Variants in IL1RAPL2 observed in about 807,000 individuals in gnomAD.
The protein encoded by IL1RAPL2 is interleukin 1 receptor accessory protein like 2, also known as X-linked interleukin-1 receptor accessory protein-like 2.
IL1RAPL2 carries 3 observed loss-of-function variants against 44.1 expected under a neutral mutation model. The observed-to-expected ratio is 0.07, with a 90% CI of 0.03 to 0.18. The LOEUF is 0.18. Ranked by LOEUF, IL1RAPL2 falls within the 10% of genes least tolerant of loss-of-function variation. The pLI is 1.00. For synonymous variants in IL1RAPL2, 181 were observed against 178.8 expected (o/e 1.01, Z -0.10); for missense variants, 391 against 496.4 (o/e 0.79, Z 2.02).
At chrX:104,568,651 C>T (rs970035513) in intron 1 of IL1RAPL2, among the ~76,000 whole-genome samples, 2 of 111,854 alleles carry the variant, frequency 1.8e-5, no homozygotes, top group East Asian at 5.7e-4. Context: ...GATACTTAGG[C>T]TTCCACCCCT....
chrX:104,915,300 A>G (rs1371241180), intron 2 of IL1RAPL2, among the ~76,000 whole-genome samples: 2 of 110,112 alleles, frequency 1.8e-5, no homozygotes, highest in Non-Finnish European at 3.8e-5. Context: ...TTTGATTTGC[A>G]TTTCTCTGAT....
intron 5 of IL1RAPL2, among the ~76,000 whole-genome samples, chrX:105,360,960 C>T (rs1033713430): frequency 9.0e-6 from 1 of 111,340 alleles, no homozygotes; most frequent in Non-Finnish European, 1.9e-5. Flanking sequence ...TAATGATTAT[C>T]TATAGCAGTT....
At chrX:104,837,947 G>C (rs1183275311) in intron 2 of IL1RAPL2, among the ~76,000 whole-genome samples, 1 of 111,774 alleles carries the variant, frequency 8.9e-6, no homozygotes, top group Non-Finnish European at 1.9e-5. Flanking sequence ...TCTACATATG[G>C]CTAACCAGTT....
At chrX:104,956,621 AGT>A (rs1265168010) in intron 2 of IL1RAPL2, among the ~76,000 whole-genome samples, 15 of 110,724 alleles carry the variant, frequency 1.4e-4, no homozygotes, top group Non-Finnish European at 2.6e-4. Flanking sequence ...TGGGCGACAG[AGT>A]GAGACTCCAT....
intron 10 of IL1RAPL2, among the ~76,000 whole-genome samples, chrX:105,761,220 TACACACACACACACAC>T (rs113089380): frequency 4.3e-4 from 36 of 84,123 alleles, no homozygotes; most frequent in African/African-American, 9.6e-4. Flanking sequence ...ACTCTTCCTA[TACACACACACACACAC>T]ACACACACAC....
intron 2 of IL1RAPL2, among the ~76,000 whole-genome samples, chrX:104,931,124 C>A (rs773166820): frequency 9.1e-6 from 1 of 110,161 alleles, no homozygotes; most frequent in South Asian, 3.9e-4. Context: ...ATACTTATTC[C>A]TGGGATTAAA....
chrX:105,613,151 C>T (rs770730384), intron 6 of IL1RAPL2, among the ~76,000 whole-genome samples: 16 of 111,686 alleles, frequency 1.4e-4, no homozygotes, highest in South Asian at 3.8e-4. Context: ...TCTTGGATAC[C>T]GGCTCAGCCA....
intron 2 of IL1RAPL2, among the ~76,000 whole-genome samples, chrX:104,950,936 A>G (rs930856755): frequency 1.8e-5 from 2 of 110,666 alleles, no homozygotes; most frequent in Non-Finnish European, 3.8e-5. Flanking sequence ...GAGTGACCTG[A>G]TTTTCCAGGT....
chrX:105,729,876 A>AGAAGGAAGGAAGGAAGGAAGGAAG (rs768197336), intron 7 of IL1RAPL2, among the ~76,000 whole-genome samples: 37 of 51,272 alleles, frequency 7.2e-4, no homozygotes, highest in Admixed American at 1.0e-3. Flanking sequence ...AAGGAAGGAA[A>AGAAGGAAGGAAGGAAGGAAGGAAG]GAAGGAAGGA....
chrX:105,644,026 G>C (rs990921128), intron 6 of IL1RAPL2, among the ~76,000 whole-genome samples: 12 of 111,025 alleles, frequency 1.1e-4, no homozygotes, highest in Non-Finnish European at 2.1e-4. Flanking sequence ...TGAGTAGCTG[G>C]GACTACAGGG....
intron 2 of IL1RAPL2, among the ~76,000 whole-genome samples, chrX:105,098,871 C>T (rs1325911757): frequency 2.7e-5 from 3 of 111,773 alleles, no homozygotes; most frequent in South Asian, 3.8e-4. Context: ...AAGTTTAACA[C>T]GCTGAAGATG....
intron 1 of IL1RAPL2, among the ~76,000 whole-genome samples, chrX:104,639,199 G>T (rs1307319099): frequency 9.0e-6 from 1 of 111,377 alleles, no homozygotes; most frequent in Non-Finnish European, 1.9e-5. Context: ...GGGTGGGTGG[G>T]TTCTTAGGCC....
chrX:104,742,034 A>G (rs1360791721), intron 2 of IL1RAPL2, among the ~76,000 whole-genome samples: 1 of 111,029 alleles, frequency 9.0e-6, no homozygotes, highest in Non-Finnish European at 1.9e-5. Context: ...CTAAATTATA[A>G]GCACAGAGTA....
intron 5 of IL1RAPL2, among the ~76,000 whole-genome samples, chrX:105,435,452 A>G (rs1051037514): frequency 9.0e-6 from 1 of 111,721 alleles, no homozygotes; most frequent in Non-Finnish European, 1.9e-5. Context: ...TGGGAAAGTA[A>G]ATTAGTTCAG....
chrX:105,461,196 G>A (rs922154289), intron 5 of IL1RAPL2, among the ~76,000 whole-genome samples: 1 of 111,286 alleles, frequency 9.0e-6, no homozygotes, highest in African/African-American at 3.3e-5. Context: ...AGTTTCCAGT[G>A]TCTCAAGTCC....
chrX:104,719,080 G>A (rs1931631139), intron 2 of IL1RAPL2, among the ~76,000 whole-genome samples: 1 of 112,246 alleles, frequency 8.9e-6, no homozygotes, highest in Admixed American at 9.5e-5. Context: ...GTGAGCAAGA[G>A]CAGAGAAATT....
chrX:105,287,577 T>C (rs772381810), intron 5 of IL1RAPL2, among the ~76,000 whole-genome samples: 1 of 111,730 alleles, frequency 9.0e-6, no homozygotes, highest in Admixed American at 9.5e-5. Context: ...GCCTGAATAG[T>C]TATGCTTGCA....
At chrX:105,284,849 C>T (rs1254878886) in intron 5 of IL1RAPL2, among the ~76,000 whole-genome samples, 1 of 110,943 alleles carries the variant, frequency 9.0e-6, no homozygotes, top group Non-Finnish European at 1.9e-5. Flanking sequence ...TGAGTGAAGC[C>T]AGGGGTGTCA....
intron 2 of IL1RAPL2, among the ~76,000 whole-genome samples, chrX:104,847,899 G>T (rs1460907097): frequency 9.0e-6 from 1 of 110,823 alleles, no homozygotes; most frequent in Non-Finnish European, 1.9e-5. Context: ...TCCTTGAAGA[G>T]GTCCTTCACA....
Sources: gnomAD v4.1 joint callset for allele counts (sites outside exome capture counted in the v4.1 genomes callset) on GRCh38, gnomAD v4.1.1 for gene constraint, MANE v1.5 for transcripts, NCBI Gene and HGNC (gene_info 2026-07-23, HGNC 2026-07-21) for gene names.